Variants in ZNF180 observed in about 807,000 individuals in gnomAD.
The protein encoded by ZNF180 is zinc finger protein 180.
Under a neutral mutation model 11.8 loss-of-function variants are expected in ZNF180, and 11 were observed. The ratio of observed to expected loss-of-function variants is 0.93; its 90% CI spans 0.59 to 1.55. The LOEUF (loss-of-function observed/expected upper bound fraction) is 1.55, where lower values mean the gene tolerates loss of function less well. Ranked by LOEUF, ZNF180 falls within the 40% of genes most tolerant of loss-of-function variation. The probability of loss-of-function intolerance (pLI) is 0.00; values close to 1 mark genes in which losing one functional copy is unlikely to be tolerated. For synonymous variants in ZNF180, 287 were observed against 257.7 expected (o/e 1.11, Z -1.09); for missense variants, 773 against 781.7 (o/e 0.99, Z 0.13).
intron 3 of ZNF180, 32 bp downstream of exon 3, chr19:44,484,329 C>G: frequency 6.5e-7 from 1 of 1,545,844 alleles, no homozygotes; most frequent in South Asian, 1.1e-5. Flanking sequence ...GCACATTTCT[C>G]AGTGTAAAGA....
chr19:44,500,313 C>T lies in ZNF180; in HGVS notation c.-82G>A. 1 of 1,592,766 alleles carries T rather than the reference C, an allele frequency of 6.3e-7. No homozygotes were observed. ...GGCCCGCAGCCCAGGCTGGGCCTGT[C>T]ACCGCCTCAGTGCCTAGCACGGCTC... On this transcript the variant is annotated 5_prime_UTR_variant, in exon 1 of 5. Coordinates refer to ENST00000592529, the MANE Select transcript of ZNF180 (RefSeq NM_001278509.3).
intron 2 of ZNF180, among the ~76,000 whole-genome samples, chr19:44,491,552 T>A (rs1400522531): frequency 6.6e-6 from 1 of 150,760 alleles, no homozygotes; most frequent in East Asian, 1.9e-4. Flanking sequence ...CAACACAGAA[T>A]TTCCATCTCA....
chr19:44,496,407 C>T (rs1970579632), intron 2 of ZNF180: 1 of 151,962 alleles, frequency 6.6e-6, no homozygotes, highest in Admixed American at 6.5e-5. Context: ...AATCCTAGCA[C>T]TTTGGGAAGT....
Position 44,478,012 on chromosome 19 carries a change from C to A in ZNF180, c.388G>T (p.Asp130Tyr). Residue 130 changes from aspartate to tyrosine, a missense_variant, in exon 5 of 5, where the codon GAT becomes TAT. By Grantham distance (160) the Asp-to-Tyr change is radical (BLOSUM62 -3). Coordinates refer to ENST00000592529, the MANE Select transcript of ZNF180 (RefSeq NM_001278509.3). ...TGCTTCTCCAACTGGTCTTTACAAT[C>A]ATCCACTTCTTCACATGAAGATAAC... The part of the protein sequence containing the change: ...PWLSSCEEVD[D>Y]CKDQLEKQQE... 1.2e-6 allele frequency: 2 copies of A among 1,613,978 alleles called. No homozygotes were observed. The highest frequency in any genetic ancestry group is 1.7e-6 in the Non-Finnish European group (2 of 1,179,896).
chr19:44,478,207 A>G, intron 4 of ZNF180, 61 bp from the exon 5 acceptor site: 1 of 1,446,124 alleles, frequency 6.9e-7, no homozygotes, highest in Non-Finnish European at 9.2e-7. Flanking sequence ...AAAATGGAAT[A>G]AAGCTAACAA....
chr19:44,485,296 G>GAAACTGCT (rs1970200612), intron 2 of ZNF180: 1 of 151,506 alleles, frequency 6.6e-6, no homozygotes, highest in Non-Finnish European at 1.5e-5. Context: ...CAACTATGAA[G>GAAACTGCT]AAACTGCTGT....
intron 1 of ZNF180, among the ~76,000 whole-genome samples, chr19:44,499,342 G>A (rs927536831): frequency 6.6e-6 from 1 of 152,124 alleles, no homozygotes; most frequent in East Asian, 1.9e-4. Flanking sequence ...ACATTCTCAC[G>A]CCTGCAAATA....
chr19:44,485,868 G>A (rs1449259965), intron 2 of ZNF180, among the ~76,000 whole-genome samples: 5 of 152,098 alleles, frequency 3.3e-5, no homozygotes, highest in African/African-American at 1.2e-4. Flanking sequence ...CCATTTTTAT[G>A]TACATTCTTT....
chr19:44,498,308 C>G (rs1470758591), intron 1 of ZNF180, among the ~76,000 whole-genome samples: 1 of 152,116 alleles, frequency 6.6e-6, no homozygotes, highest in African/African-American at 2.4e-5. Context: ...GACTAGAGGG[C>G]AAATCCTACC....
intron 2 of ZNF180, chr19:44,484,765 C>T (rs1970179995): frequency 3.4e-6 from 1 of 293,048 alleles, no homozygotes; most frequent in Admixed American, 4.7e-5. Flanking sequence ...CCAGCGGGAC[C>T]TGCCAAAATT....
chr19:44,475,407 C>G lies in ZNF180; in HGVS notation c.*995G>C, dbSNP rs911690046. The stretch of plus-strand genomic sequence containing the variant: ...AAAATAAGCCCACTTGCCCTCTATA[C>G]TTCCCACGCATTCTCAGTTCTTCAT... On this transcript the variant is annotated 3_prime_UTR_variant, in exon 5 of 5. Transcript: ENST00000592529. The G allele has an allele frequency of 6.6e-6, 1 of 152,140 alleles. No homozygotes were observed. The highest frequency in any genetic ancestry group is 2.4e-5 in the African/African-American group (1 of 41,382). 9.4% of individuals were successfully genotyped at this position (152,140 alleles called of 1,614,324 possible). A position where few individuals can be genotyped will look rare whatever the true frequency, so the allele number is the denominator to read the frequency against.
intron 2 of ZNF180, among the ~76,000 whole-genome samples, chr19:44,489,158 G>C (rs534937748): frequency 1.5e-5 from 2 of 130,622 alleles, no homozygotes; most frequent in South Asian, 5.8e-4. Context: ...AGGTGGGGGG[G>C]CCAGCCCCCC....
At chr19:44,479,552 T>A in intron 3 of ZNF180, 143 bp from the exon 4 acceptor site, 1 of 1,144,912 alleles carries the variant, frequency 8.7e-7, no homozygotes, top group Non-Finnish European at 1.2e-6. Context: ...AAGATTCCAG[T>A]CAAGATGTAC....
chr19:44,489,278 C>A (rs200763407), intron 2 of ZNF180, among the ~76,000 whole-genome samples: 1 of 137,648 alleles, frequency 7.3e-6, no homozygotes. Flanking sequence ...ATGACAATGG[C>A]GGTTTTGTGG....
intron 2 of ZNF180, among the ~76,000 whole-genome samples, chr19:44,489,116 T>A (rs372825005): frequency 2.2e-5 from 2 of 92,908 alleles, no homozygotes; most frequent in Non-Finnish European, 4.5e-5. Context: ...GGGGCCAGCC[T>A]CCCGCCCGGC....
Position 44,479,190 on chromosome 19 carries a change from C to A in ZNF180, c.253+93G>T. 6.1e-6 allele frequency: 9 copies of A among 1,469,804 alleles called. No individual in the cohort carries two copies. In the South Asian group the frequency reaches 9.2e-5, roughly 15 times the overall value. 91.0% of individuals were successfully genotyped at this position (1,469,804 alleles called of 1,614,324 possible). A position where few individuals can be genotyped will look rare whatever the true frequency, so the allele number is the denominator to read the frequency against. On this transcript the variant is annotated intron_variant, in intron 4 of 4. Coordinates refer to ENST00000592529, the MANE Select transcript of ZNF180 (RefSeq NM_001278509.3). ...AACACAATCTAGATGCAGCCAAAAT[C>A]ATTCTGGCTGCTGAATTTCACAGTT...
At chr19:44,499,449 A>C (rs1277389525) in intron 1 of ZNF180, among the ~76,000 whole-genome samples, 1 of 152,208 alleles carries the variant, frequency 6.6e-6, no homozygotes, top group East Asian at 1.9e-4. Flanking sequence ...CAGCTGTTGC[A>C]GCTCTGTCCT....
At chr19:44,486,465 T>G (rs930166084) in intron 2 of ZNF180, among the ~76,000 whole-genome samples, 14 of 152,248 alleles carry the variant, frequency 9.2e-5, no homozygotes, top group Non-Finnish European at 1.8e-4. Flanking sequence ...CTCAGGTTTT[T>G]TCCTACAGGA....
chr19:44,483,397 G>A (rs931825786), intron 3 of ZNF180, among the ~76,000 whole-genome samples: 1 of 152,184 alleles, frequency 6.6e-6, no homozygotes, highest in Non-Finnish European at 1.5e-5. Flanking sequence ...ATGTCAATCT[G>A]CTATCTGTGG....
Sources: gnomAD v4.1 joint callset for allele counts (sites outside exome capture counted in the v4.1 genomes callset) on GRCh38, gnomAD v4.1.1 for gene constraint, MANE v1.5 for transcripts, NCBI Gene and HGNC (gene_info 2026-07-23, HGNC 2026-07-21) for gene names.